The following XKR9 variants were observed in gnomAD, a reference collection of about 807,000 sequenced individuals.
XKR9 encodes the protein XK-related protein 9.
Under a neutral mutation model 32.0 loss-of-function variants are expected in XKR9, and 32 were observed. That is an observed-to-expected ratio of 1.00 (90% CI 0.76 to 1.34). The LOEUF (loss-of-function observed/expected upper bound fraction) is 1.34. Ranked by LOEUF, XKR9 falls within the 40% of genes most tolerant of loss-of-function variation. The pLI is 0.00. For synonymous variants in XKR9, 168 were observed against 143.4 expected, an observed-to-expected ratio of 1.17 and a Z score of -1.22; for missense variants, 546 against 429.7, an observed-to-expected ratio of 1.27 and a Z score of -2.39.
At chr8:70,686,564 C>T (rs1819287093) in intron 3 of XKR9, among the ~76,000 whole-genome samples, 1 of 152,080 alleles carries the variant, frequency 6.6e-6, no homozygotes, top group Non-Finnish European at 1.5e-5. Context: ...CTTCCTTAGC[C>T]TCCTGAGTAG....
At chr8:70,987,377 A>G in the XKR9 span, among the ~76,000 whole-genome samples, 1 of 152,376 alleles carries the variant, frequency 6.6e-6, no homozygotes, top group East Asian at 1.9e-4. Flanking sequence ...ATGGGAGTGC[A>G]GACACTGGGT....
downstream of XKR9, among the ~76,000 whole-genome samples, chr8:70,791,640 C>T (rs1259972032): frequency 6.6e-6 from 1 of 151,958 alleles, no homozygotes; most frequent in Non-Finnish European, 1.5e-5. Context: ...TCTCTTTACC[C>T]TGTTGCCATG....
chr8:71,014,696 T>G, the XKR9 span, among the ~76,000 whole-genome samples: 1 of 152,136 alleles, frequency 6.6e-6, no homozygotes, highest in Non-Finnish European at 1.5e-5. Flanking sequence ...CATATCTTTT[T>G]GGGGGCCATC....
At chr8:70,924,683 T>C in the XKR9 span, among the ~76,000 whole-genome samples, 16 of 152,340 alleles carry the variant, frequency 1.1e-4, no homozygotes, top group South Asian at 2.3e-3. Context: ...TTTCTCTCCA[T>C]TGAGGCAACC....
chr8:70,881,353 T>TG, the XKR9 span, among the ~76,000 whole-genome samples: 1 of 151,680 alleles, frequency 6.6e-6, no homozygotes, highest in Non-Finnish European at 1.5e-5. Context: ...TGGGAGAAAA[T>TG]TTTTCCAATC....
chr8:70,826,050 C>G, the XKR9 span, among the ~76,000 whole-genome samples: 1 of 151,960 alleles, frequency 6.6e-6, no homozygotes, highest in Non-Finnish European at 1.5e-5. Context: ...GACTTAGAGA[C>G]CTCAGAATAG....
the XKR9 span, among the ~76,000 whole-genome samples, chr8:70,850,393 G>C: frequency 6.7e-6 from 1 of 150,106 alleles, no homozygotes; most frequent in Non-Finnish European, 1.5e-5. Flanking sequence ...GAACCCAGGA[G>C]GCAGAGCTTG....
chr8:70,932,477 A>G, the XKR9 span, among the ~76,000 whole-genome samples: 15 of 152,300 alleles, frequency 9.8e-5, no homozygotes, highest in South Asian at 2.3e-3. Context: ...GCCTGTTAGA[A>G]GAGAAGGAGG....
At chr8:71,009,726 C>G in the XKR9 span, among the ~76,000 whole-genome samples, 6 of 152,282 alleles carry the variant, frequency 3.9e-5, no homozygotes, top group East Asian at 1.2e-3. Context: ...TCAAGCAACT[C>G]CTGCCATTGA....
chr8:70,783,693 C>A (rs942346994), intron 2 of XKR9, among the ~76,000 whole-genome samples: 1 of 152,086 alleles, frequency 6.6e-6, no homozygotes, highest in African/African-American at 2.4e-5. Context: ...CTTTGCTGTG[C>A]AGAAGCTTTT....
chr8:70,786,513 A>G (rs1430633768), intron 2 of XKR9, among the ~76,000 whole-genome samples: 1 of 152,120 alleles, frequency 6.6e-6, no homozygotes, highest in Non-Finnish European at 1.5e-5. Context: ...TGACCCATTT[A>G]TCATTACATA....
the XKR9 span, among the ~76,000 whole-genome samples, chr8:70,991,754 TGC>T: frequency 1.3e-5 from 2 of 152,228 alleles, no homozygotes; most frequent in African/African-American, 4.8e-5. Context: ...TAGAAGACCC[TGC>T]TATACAGTTA....
At chr8:70,692,325 C>T (rs1378437465) in intron 3 of XKR9, among the ~76,000 whole-genome samples, 1 of 151,952 alleles carries the variant, frequency 6.6e-6, no homozygotes, top group Non-Finnish European at 1.5e-5. Context: ...GGCCAAGACA[C>T]TGGGGTTTTC....
the XKR9 span, among the ~76,000 whole-genome samples, chr8:70,887,267 G>A: frequency 1.3e-5 from 2 of 152,112 alleles, no homozygotes; most frequent in Admixed American, 1.3e-4. Flanking sequence ...CCTCTGTTCT[G>A]TTCCATTGGT....
At chr8:70,747,306 G>A (rs909121931) in intron 2 of XKR9, among the ~76,000 whole-genome samples, 1 of 152,198 alleles carries the variant, frequency 6.6e-6, no homozygotes, top group African/African-American at 2.4e-5. Flanking sequence ...TGGTAATTCT[G>A]CTTTTAGTTC....
the XKR9 span, among the ~76,000 whole-genome samples, chr8:70,823,252 T>C: frequency 6.6e-6 from 1 of 152,230 alleles, no homozygotes; most frequent in South Asian, 2.1e-4. Context: ...TTGAGAATTC[T>C]TTATTTTACA....
chr8:71,036,846 T>G, the XKR9 span, among the ~76,000 whole-genome samples: 1 of 150,338 alleles, frequency 6.7e-6, no homozygotes, highest in African/African-American at 2.4e-5. Context: ...CATAATTTTC[T>G]CCAGCTGTTG....
chr8:70,980,957 A>T, the XKR9 span, among the ~76,000 whole-genome samples: 1 of 152,224 alleles, frequency 6.6e-6, no homozygotes. Context: ...AGGAGGCTAA[A>T]AATAGGACCT....
the XKR9 span, among the ~76,000 whole-genome samples, chr8:71,032,887 C>G: frequency 6.6e-6 from 1 of 152,094 alleles, no homozygotes; most frequent in Non-Finnish European, 1.5e-5. Flanking sequence ...GAGTTCAAAC[C>G]CAGCCTGGCC....
Sources: gnomAD v4.1 joint callset for allele counts (sites outside exome capture counted in the v4.1 genomes callset) on GRCh38, gnomAD v4.1.1 for gene constraint, MANE v1.5 for transcripts, NCBI Gene and HGNC (gene_info 2026-07-23, HGNC 2026-07-21) for gene names.